The following TYR variants were observed in gnomAD, a reference collection of about 807,000 sequenced individuals.
TYR encodes the protein LB24-AB.
TYR carries 58 observed loss-of-function variants against 51.5 expected under a neutral mutation model. The observed-to-expected ratio is 1.13, with a 90% confidence interval of 0.91 to 1.40. TYR has a LOEUF of 1.40. TYR is among the 40% of genes most tolerant of loss of function. The pLI is 0.00. For missense variants in TYR, 732 were observed against 647.4 expected (o/e 1.13, Z -1.42); for synonymous variants, 263 against 235.2 (o/e 1.12, Z -1.08).
intron 1 of TYR, among the ~76,000 whole-genome samples, chr11:89,182,356 T>C (rs559468865): frequency 6.6e-6 from 1 of 152,300 alleles, no homozygotes; most frequent in South Asian, 2.1e-4. Flanking sequence ...CTGCAGTTTT[T>C]TTATAGCACT....
In TYR at chr11:89,211,793, T is replaced by G. The variant is rs139269901; in HGVS notation, c.1037-16030T>G. Among the ~76,000 whole-genome samples, 547 of 152,236 alleles carry G rather than the reference T, an allele frequency of 3.6e-3. 5 individuals carry two copies. The highest frequency in any genetic ancestry group is 0.012 in the African/African-American group (517 of 41,540). On this transcript the variant is annotated intron_variant, in intron 2 of 4. Transcript: ENST00000263321. Reference sequence around the variant, plus strand: ...AAGTTAGAACTCAGGATTAAGAAATTCACTCAAAACCACACAACTACATGG... The same window carrying G: ...AAGTTAGAACTCAGGATTAAGAAATGCACTCAAAACCACACAACTACATGG...
At chr11:89,201,285 A>G (rs1158187442) in intron 2 of TYR, among the ~76,000 whole-genome samples, 1 of 152,178 alleles carries the variant, frequency 6.6e-6, no homozygotes, top group Admixed American at 6.6e-5. Flanking sequence ...CTTTGTTCAC[A>G]TAAGAAGTCT....
At chr11:89,192,193 G>T (rs915473599) in intron 2 of TYR, among the ~76,000 whole-genome samples, 1 of 151,992 alleles carries the variant, frequency 6.6e-6, no homozygotes, top group African/African-American at 2.4e-5. Context: ...CTTGCATTTT[G>T]CATTCAAACA....
At chr11:89,279,059 G>C (rs1205677891) in intron 3 of TYR, among the ~76,000 whole-genome samples, 1 of 151,562 alleles carries the variant, frequency 6.6e-6, no homozygotes, top group African/African-American at 2.4e-5. Context: ...CATATCAAAG[G>C]TGTAGAGGGA....
Position 89,234,630 on chromosome 11 carries a change from T to A in TYR, c.1184+6660T>A, listed in dbSNP as rs909698440. On this transcript the variant is annotated intron_variant, in intron 3 of 4. Coordinates refer to ENST00000263321, the MANE Select transcript of TYR (RefSeq NM_000372.5). ...GGGTTATTAATTGGCCCAATCTCAA[T>A]ATTTTTGTGTCTTGGGGAATAGGGA... Among the ~76,000 whole-genome samples, 10 of 142,098 alleles carry A rather than the reference T, an allele frequency of 7.0e-5. 1 individual carries two copies. The highest frequency in any genetic ancestry group is 1.5e-4 in the Non-Finnish European group (10 of 66,440). The allele number at this position is 142,098 out of a possible 152,430, so 93.2% of individuals were successfully genotyped here. A position where few individuals can be genotyped will look rare whatever the true frequency, so the allele number is the denominator to read the frequency against.
chr11:89,180,293 G>A (rs1943284258), intron 1 of TYR, among the ~76,000 whole-genome samples: 3 of 152,102 alleles, frequency 2.0e-5, no homozygotes, highest in African/African-American at 4.8e-5. Flanking sequence ...TTTTCAGTCA[G>A]TTATGATGCT....
At chr11:89,291,722 A>G (rs923613129) in intron 4 of TYR, among the ~76,000 whole-genome samples, 3 of 151,982 alleles carry the variant, frequency 2.0e-5, no homozygotes, top group Admixed American at 6.6e-5. Flanking sequence ...TTATGCCCCT[A>G]TATCAGCTAC....
At chr11:89,187,873 C>A (rs1943395798) in intron 1 of TYR, among the ~76,000 whole-genome samples, 2 of 151,818 alleles carry the variant, frequency 1.3e-5, no homozygotes, top group Admixed American at 6.6e-5. Context: ...TATCACCTAA[C>A]AGGTATGTTT....
At chr11:89,183,034 C>T (rs1190040066) in intron 1 of TYR, among the ~76,000 whole-genome samples, 1 of 152,034 alleles carries the variant, frequency 6.6e-6, no homozygotes, top group African/African-American at 2.4e-5. Flanking sequence ...AGTGAAATAA[C>T]AGCTTCTCTT....
intron 3 of TYR, among the ~76,000 whole-genome samples, chr11:89,264,596 A>G (rs532593386): frequency 6.7e-4 from 102 of 152,066 alleles, no homozygotes; most frequent in Non-Finnish European, 1.0e-3. Context: ...AAATCATTCT[A>G]TTATAAAGAA....
At chr11:89,221,884 C>G (rs1365192626) in intron 2 of TYR, among the ~76,000 whole-genome samples, 1 of 152,024 alleles carries the variant, frequency 6.6e-6, no homozygotes, top group African/African-American at 2.4e-5. Flanking sequence ...AACTACACAC[C>G]TTTTCATATT....
chr11:89,190,662 A>G (rs1943430402), intron 1 of TYR, among the ~76,000 whole-genome samples: 2 of 152,078 alleles, frequency 1.3e-5, no homozygotes, highest in Non-Finnish European at 1.5e-5. Context: ...TGTTTATAAA[A>G]TCTACTGTAG....
At position 89,178,422 on chromosome 11, in the gene TYR, G is replaced by A. The variant is rs1216800467; in HGVS notation, c.469G>A (p.Gly157Ser). 3.1e-6 allele frequency: 5 copies of A among 1,613,898 alleles called. No homozygotes were observed. Among genetic ancestry groups the A allele is most frequent in the Non-Finnish European group, 4.2e-6 (5 of 1,180,006 alleles). ...SDYVIPIGTY[G>S]QMKNGSTPMF... is the part of the protein sequence containing the mutation. Reference sequence around the variant, plus strand: ...CTATGTCATCCCCATAGGGACCTATGGCCAAATGAAAAATGGATCAACACC... The same window carrying A: ...CTATGTCATCCCCATAGGGACCTATAGCCAAATGAAAAATGGATCAACACC... The change falls in exon 1 of 5, where the codon GGC (glycine) becomes AGC (serine). Residue 157 changes from glycine (G) to serine (S), a missense_variant. Coordinates refer to ENST00000263321, the MANE Select transcript of TYR (RefSeq NM_000372.5).
intron 3 of TYR, among the ~76,000 whole-genome samples, chr11:89,283,211 T>G (rs1944738844): frequency 6.6e-6 from 1 of 151,808 alleles, no homozygotes; most frequent in African/African-American, 2.4e-5. Flanking sequence ...GGACTGCCAA[T>G]TCCTCACTAA....
At chr11:89,290,934 T>A (rs1244991173) in intron 4 of TYR, among the ~76,000 whole-genome samples, 1 of 152,036 alleles carries the variant, frequency 6.6e-6, no homozygotes, top group Non-Finnish European at 1.5e-5. Context: ...ATCCATTTGC[T>A]CTTACTGAAC....
chr11:89,197,498 C>T (rs1006204250), intron 2 of TYR, among the ~76,000 whole-genome samples: 2 of 152,120 alleles, frequency 1.3e-5, no homozygotes, highest in African/African-American at 4.8e-5. Flanking sequence ...AAAAGTATGT[C>T]TGAAAAATTT....
chr11:89,262,610 A>G (rs1389512911), intron 3 of TYR, among the ~76,000 whole-genome samples: 7 of 145,756 alleles, frequency 4.8e-5, no homozygotes, highest in Non-Finnish European at 1.1e-4. Flanking sequence ...CTGGCCAAGA[A>G]AAAAAAAAAA....
chr11:89,294,737 G>A (rs1028123033), intron 4 of TYR, among the ~76,000 whole-genome samples: 4 of 152,202 alleles, frequency 2.6e-5, no homozygotes, highest in African/African-American at 7.2e-5. Flanking sequence ...TACTATTAAT[G>A]TCTGTCAAAT....
In TYR at chr11:89,295,200, G is replaced by A; in HGVS notation, c.1424G>A (p.Trp475Ter). Reference sequence around the variant, plus strand: ...TATTTGGAACAAGCGAGTCGGATCTGGTCATGGCTCCTTGGGGCGGCGATG... The same window carrying A: ...TATTTGGAACAAGCGAGTCGGATCTAGTCATGGCTCCTTGGGGCGGCGATG... ...KSYLEQASRI[W>*]SWLLGAAMVG... Residue 475 changes from tryptophan to a stop codon, truncating the protein, a stop_gained, in exon 5 of 5, where the codon TGG becomes TAG. Coordinates refer to ENST00000263321, the MANE Select transcript of TYR (RefSeq NM_000372.5). LOFTEE classifies it high-confidence loss of function. The A allele has an allele frequency of 6.2e-7, 1 of 1,614,002 alleles. No individual in the cohort carries two copies. The highest frequency in any genetic ancestry group is 8.5e-7 in the Non-Finnish European group (1 of 1,179,864).
Sources: gnomAD v4.1 joint callset for allele counts (sites outside exome capture counted in the v4.1 genomes callset) on GRCh38, gnomAD v4.1.1 for gene constraint, MANE v1.5 for transcripts, NCBI Gene and HGNC (gene_info 2026-07-23, HGNC 2026-07-21) for gene names.